The following TLE1 variants were observed in gnomAD, a reference collection of about 807,000 sequenced individuals.
TLE1 encodes TLE family member 1, transcriptional corepressor, also known as transducin-like enhancer protein 1.
Under a neutral mutation model 89.8 loss-of-function variants are expected in TLE1, and 21 were observed. The observed-to-expected ratio is 0.23, with a 90% CI of 0.17 to 0.34. The LOEUF (loss-of-function observed/expected upper bound fraction) is 0.34. Among genes scored for constraint, TLE1 ranks in the 10% least tolerant of loss-of-function variants. The pLI is 1.00. For missense variants in TLE1, 795 were observed against 1,031.2 expected (o/e 0.77, Z 3.14); for synonymous variants, 447 against 407.6 (o/e 1.10, Z -1.16).
intron 14 of TLE1, among the ~76,000 whole-genome samples, chr9:81,594,359 A>AT (rs1241956125): frequency 2.0e-5 from 3 of 151,530 alleles, no homozygotes; most frequent in Non-Finnish European, 3.0e-5. Context: ...CATAAAAAAA[A>AT]GGATGAGTTC....
chr9:81,678,563 C>A (rs1399839391), intron 4 of TLE1, among the ~76,000 whole-genome samples: 2 of 152,062 alleles, frequency 1.3e-5, no homozygotes, highest in African/African-American at 4.8e-5. Context: ...CCTGTTAATT[C>A]CAGCACTTTG....
rs1236822272 is a variant in TLE1 at position 81,688,951 on chromosome 9, C to A, written c.-711G>T. 1 of 152,362 alleles carries A rather than the reference C, an allele frequency of 6.6e-6. No homozygotes were observed. Among genetic ancestry groups the A allele is most frequent in the African/African-American group, 2.4e-5 (1 of 41,458 alleles). 9.4% of individuals were successfully genotyped at this position (152,362 alleles called of 1,614,324 possible). A position where few individuals can be genotyped will look rare whatever the true frequency, so the allele number is the denominator to read the frequency against. ...GGGAGGCGGCTCGGCACGCCCCGTGCGACCAGCACTCGGTGTTCTCCGCGG... is the reference window on the plus strand; with the variant it reads ...GGGAGGCGGCTCGGCACGCCCCGTGAGACCAGCACTCGGTGTTCTCCGCGG... On this transcript the variant is annotated 5_prime_UTR_variant, in exon 1 of 20. Transcript: ENST00000376499.
chr9:81,611,218 C>T (rs999031162), intron 13 of TLE1, among the ~76,000 whole-genome samples: 3 of 152,140 alleles, frequency 2.0e-5, no homozygotes, highest in Admixed American at 6.5e-5. Flanking sequence ...GGCAAACAGA[C>T]GAGAGACAGC....
chr9:81,621,725 C>T (rs1250888358), intron 8 of TLE1, among the ~76,000 whole-genome samples: 1 of 152,106 alleles, frequency 6.6e-6, no homozygotes, highest in African/African-American at 2.4e-5. Context: ...AGCCAGGTGG[C>T]CAGCCCTCAA....
intron 14 of TLE1, among the ~76,000 whole-genome samples, chr9:81,596,093 T>C (rs1830174040): frequency 6.6e-6 from 1 of 152,008 alleles, no homozygotes; most frequent in Non-Finnish European, 1.5e-5. Flanking sequence ...TATCATAGAG[T>C]TAAATGTTCC....
chr9:81,586,871 G>A (rs957456808), intron 17 of TLE1, among the ~76,000 whole-genome samples: 6 of 152,052 alleles, frequency 3.9e-5, no homozygotes, highest in Non-Finnish European at 5.9e-5. Flanking sequence ...TCAACAAAAT[G>A]TTAACAGGAA....
At chr9:81,597,901 T>G (rs1296172240) in intron 14 of TLE1, among the ~76,000 whole-genome samples, 1 of 152,154 alleles carries the variant, frequency 6.6e-6, no homozygotes, top group Non-Finnish European at 1.5e-5. Context: ...TGTTTTTTCC[T>G]AGCAGACCAG....
intron 4 of TLE1, among the ~76,000 whole-genome samples, chr9:81,675,695 C>T (rs1832782485): frequency 8.7e-6 from 1 of 114,512 alleles, no homozygotes; most frequent in Non-Finnish European, 1.8e-5. Context: ...AGGACTCACA[C>T]TAGTTTTTTT....
chr9:81,625,911 T>TCAAAAAA (rs1491491955), intron 8 of TLE1, among the ~76,000 whole-genome samples: 1 of 87,846 alleles, frequency 1.1e-5, no homozygotes, highest in African/African-American at 5.4e-5. Context: ...CAGAAACTAC[T>TCAAAAAA]AAAAAAAAAA....
Position 81,585,448 on chromosome 9 carries a change from G to C in TLE1, c.2128+57C>G, listed in dbSNP as rs1587837049. ...TATGATCTCTACCATATTTTTTTAA[G>C]AAGCATTTTCCATTTGGGCCATCAA... On this transcript the variant is annotated intron_variant, in intron 18 of 19. Coordinates refer to ENST00000376499, the MANE Select transcript of TLE1 (RefSeq NM_005077.5). 32 of 1,575,608 alleles carry C rather than the reference G, an allele frequency of 2.0e-5. No individual in the cohort carries two copies. In the East Asian group the frequency reaches 7.2e-4, roughly 35 times the overall value.
At chr9:81,672,556 G>A (rs919127597) in intron 4 of TLE1, among the ~76,000 whole-genome samples, 7 of 151,374 alleles carry the variant, frequency 4.6e-5, no homozygotes, top group Admixed American at 1.3e-4. Context: ...TGGAGTAGAC[G>A]AAGAAAGACA....
intron 14 of TLE1, among the ~76,000 whole-genome samples, chr9:81,594,516 C>CT (rs1037597651): frequency 1.3e-5 from 2 of 151,852 alleles, no homozygotes; most frequent in African/African-American, 4.8e-5. Context: ...GCACTCCAGC[C>CT]TAGGCGACAA....
chr9:81,604,036 A>G lies in TLE1; in HGVS notation c.1331+6184T>C, dbSNP rs113162555. Among the ~76,000 whole-genome samples the G allele has an allele frequency of 7.7e-3, 1,179 of 152,310 alleles. 7 individuals are homozygous for G. Among genetic ancestry groups the G allele is most frequent in the Middle Eastern group, 0.014 (4 of 294 alleles). On this transcript the variant is annotated intron_variant, in intron 14 of 19. Coordinates refer to ENST00000376499, the MANE Select transcript of TLE1 (RefSeq NM_005077.5). The stretch of plus-strand genomic sequence containing the variant: ...AAACAGAACAACAAAAAAAGGTGAT[A>G]CAAGCTGTCTGCTCTGGTCGCTTCT...
intron 2 of TLE1, 62 bp downstream of exon 2, chr9:81,687,272 G>T: frequency 1.4e-6 from 2 of 1,428,452 alleles, no homozygotes; most frequent in Non-Finnish European, 1.9e-6. Flanking sequence ...GCCGCCACCC[G>T]GCTGGGTGCA....
At chr9:81,651,853 G>T (rs1230925186) in intron 6 of TLE1, among the ~76,000 whole-genome samples, 7 of 152,096 alleles carry the variant, frequency 4.6e-5, no homozygotes, top group Non-Finnish European at 1.0e-4. Context: ...GCAAGGGGGT[G>T]CCTGCCTTTG....
chr9:81,687,633 C>G (rs1013308369), intron 1 of TLE1, among the ~76,000 whole-genome samples, 199 bp from the exon 2 acceptor site: 1 of 152,122 alleles, frequency 6.6e-6, no homozygotes, highest in African/African-American at 2.4e-5. Flanking sequence ...TCTAAAGAGG[C>G]TCGGAAGCTC....
At chr9:81,645,901 A>T (rs1196019638) in intron 6 of TLE1, among the ~76,000 whole-genome samples, 2 of 152,236 alleles carry the variant, frequency 1.3e-5, no homozygotes. Flanking sequence ...TAAAAAATTT[A>T]AAAACACACA....
At chr9:81,614,701 AG>A (rs1824188697) in intron 11 of TLE1, among the ~76,000 whole-genome samples, 1 of 152,150 alleles carries the variant, frequency 6.6e-6, no homozygotes, top group African/African-American at 2.4e-5. Context: ...AAGATGATGC[AG>A]TCTACAAAGT....
chr9:81,613,820 GAAAGATGACC>G, intron 11 of TLE1, among the ~76,000 whole-genome samples: 1 of 151,580 alleles, frequency 6.6e-6, no homozygotes, highest in South Asian at 2.1e-4. Context: ...CGCCAAGTTA[GAAAGATGACC>G]ACCCAGAGAA....
Sources: allele counts gnomAD v4.1 joint callset (sites outside exome capture counted in the v4.1 genomes callset), GRCh38; gene constraint gnomAD v4.1.1; transcripts MANE v1.5; gene names NCBI Gene and HGNC (gene_info 2026-07-23, HGNC 2026-07-21).